The following RBM11 variants were observed in gnomAD, a reference collection of about 807,000 sequenced individuals.
RBM11 encodes the protein splicing regulator RBM11.
A neutral mutation model predicts 21.4 loss-of-function variants in RBM11; 18 were observed. The ratio of observed to expected loss-of-function variants is 0.84; its 90% CI spans 0.58 to 1.25. The LOEUF is 1.25. Among genes scored for constraint, RBM11 ranks in the 50% most tolerant of loss-of-function variants. The pLI is 0.00. For synonymous variants in RBM11, 120 were observed against 116.3 expected, an observed-to-expected ratio of 1.03 and a Z score of -0.20; for missense variants, 294 against 331.9, an observed-to-expected ratio of 0.89 and a Z score of 0.89.
At chr21:14,220,269 A>G (rs1978553436) in intron 2 of RBM11, among the ~76,000 whole-genome samples, 1 of 152,182 alleles carries the variant, frequency 6.6e-6, no homozygotes, top group Non-Finnish European at 1.5e-5. Context: ...AATGGCCTCA[A>G]CAACTTCTCC....
chr21:14,216,223 T>C lies in RBM11; in HGVS notation c.37T>C (p.Phe13Leu). 1 of 1,613,598 alleles carries C rather than the reference T, an allele frequency of 6.2e-7. No individual in the cohort carries two copies. The change falls in exon 1 of 5, where the codon TTT becomes CTT. Residue 13 changes from phenylalanine to leucine, a missense_variant. Phe to Leu is a conservative substitution (Grantham distance 22, BLOSUM62 0). This residue lies in a region of RBM11 where 181 missense variants were observed against 164.6 expected (regional missense o/e 1.10). Transcript: ENST00000400577. Reference sequence around the variant, plus strand: ...TCAGGAGGAGGCCGACAGGACCGTGTTTGTTGGGAATTTAGAGGCCCGAGT... The same window carrying C: ...TCAGGAGGAGGCCGACAGGACCGTGCTTGTTGGGAATTTAGAGGCCCGAGT... The part of the protein sequence containing the change: ...PAQEEADRTV[F>L]VGNLEARVRE...
In RBM11 at chr21:14,228,190, A is replaced by G. The variant is rs1256870293; in HGVS notation, c.*897A>G. ...ATTTGGGCATTTTTGTTTATAGCTC[A>G]TTACAAACTAGAGTGATGAATATAT... On this transcript the variant is annotated 3_prime_UTR_variant, in exon 5 of 5. Coordinates refer to ENST00000400577, the MANE Select transcript of RBM11 (RefSeq NM_144770.5). 2 of 152,188 alleles carry G rather than the reference A, an allele frequency of 1.3e-5. No individual in the cohort carries two copies. Among genetic ancestry groups the G allele is most frequent in the African/African-American group, 4.8e-5 (2 of 41,450 alleles). 9.4% of individuals were successfully genotyped at this position (152,188 alleles called of 1,614,324 possible). A position where few individuals can be genotyped will look rare whatever the true frequency, so the allele number is the denominator to read the frequency against.
At chr21:14,225,195 A>G (rs1238765838) in intron 4 of RBM11, among the ~76,000 whole-genome samples, 1 of 152,204 alleles carries the variant, frequency 6.6e-6, no homozygotes, top group Non-Finnish European at 1.5e-5. Context: ...CATCAATCCC[A>G]AATAGATTGC....
Position 14,218,211 on chromosome 21 carries a change from TTA to T in RBM11, c.97-1350_97-1349del, listed in dbSNP as rs199715061. On this transcript the variant is annotated intron_variant, in intron 1 of 4. Transcript: ENST00000400577. ...TTACAAATGCTTTGAATATCTAAAT[TTA>T]TGTCAAAATTCAAATCACGTAAGCA... Among the ~76,000 whole-genome samples the T allele has an allele frequency of 8.2e-3, 1,253 of 152,294 alleles. 10 individuals are homozygous for T. The highest frequency in any genetic ancestry group is 0.021 in the Middle Eastern group (6 of 292).
At chr21:14,223,633 G>T (rs1978854249) in intron 3 of RBM11, among the ~76,000 whole-genome samples, 1 of 152,166 alleles carries the variant, frequency 6.6e-6, no homozygotes. Context: ...TGTTCTTCCT[G>T]TGGGTAACCA....
rs1979130152 is a variant in RBM11 at position 14,226,822 on chromosome 21, AT to A, written c.433-50del. On this transcript the variant is annotated intron_variant, in intron 4 of 4. Coordinates refer to ENST00000400577, the MANE Select transcript of RBM11 (RefSeq NM_144770.5). Reference sequence around the variant, plus strand: ...ATTGTATAATACATGTAAACTGTTAATTTTTTTTCCTTAACCTTTTGGATTT... The same window carrying A: ...ATTGTATAATACATGTAAACTGTTAATTTTTTTCCTTAACCTTTTGGATTT... The A allele has an allele frequency of 5.8e-6, 9 of 1,544,906 alleles. No individual in the cohort carries two copies. The South Asian group carries it at 7.7e-5, about 13-fold the overall frequency.
chr21:14,216,393 G>A (rs1419671754), intron 1 of RBM11, 111 bp downstream of exon 1: 4 of 862,376 alleles, frequency 4.6e-6, no homozygotes, highest in African/African-American at 1.7e-5. Flanking sequence ...CCTGAGCAGG[G>A]GTTTTAATTT....
intron 3 of RBM11, among the ~76,000 whole-genome samples, chr21:14,222,256 G>GAGT (rs1303372279): frequency 6.6e-6 from 1 of 151,860 alleles, no homozygotes; most frequent in Non-Finnish European, 1.5e-5. Flanking sequence ...GAGAGGAATA[G>GAGT]ATATACTCTA....
At chr21:14,219,787 T>G in intron 2 of RBM11, 62 bp downstream of exon 2, 1 of 1,393,904 alleles carries the variant, frequency 7.2e-7, no homozygotes, top group South Asian at 1.8e-5. Flanking sequence ...CTCAGAGTTG[T>G]AAGCAATTTG....
chr21:14,226,221 CATATTAAAG>C (rs1196446973), intron 4 of RBM11, among the ~76,000 whole-genome samples: 1 of 152,044 alleles, frequency 6.6e-6, no homozygotes, highest in African/African-American at 2.4e-5. Flanking sequence ...ATATCATTTA[CATATTAAAG>C]TTATAACATT....
chr21:14,227,349 T>A lies in RBM11; in HGVS notation c.*56T>A. On this transcript the variant is annotated 3_prime_UTR_variant, in exon 5 of 5. Transcript: ENST00000400577. ...GATCTTAGTTCTCTTATGAAAAAAA[T>A]AAGATGTTATCCCATCAAATAAACA... is the stretch of plus-strand genomic sequence containing the variant. The A allele has an allele frequency of 2.7e-6, 4 of 1,481,758 alleles. No individual in the cohort carries two copies. The highest frequency in any genetic ancestry group is 1.4e-5 in the South Asian group (1 of 73,402). 91.8% of individuals were successfully genotyped at this position (1,481,758 alleles called of 1,614,324 possible).
chr21:14,219,682 A>T lies in RBM11; in HGVS notation c.216A>T (p.Gly72=). The change falls in exon 2 of 5, where the codon GGA becomes GGT. Residue 72 remains glycine (G), a synonymous_variant. Transcript: ENST00000400577. ...SVSYAIALLN[G]IRLYGRPINV... ...CTTATGCCATAGCTTTGCTGAATGGAATTCGTTTATATGGAAGACCAATTA... is the reference window on the plus strand; with the variant it reads ...CTTATGCCATAGCTTTGCTGAATGGTATTCGTTTATATGGAAGACCAATTA... The T allele has an allele frequency of 6.2e-7, 1 of 1,607,360 alleles. No individual in the cohort carries two copies. The highest frequency in any genetic ancestry group is 8.5e-7 in the Non-Finnish European group (1 of 1,175,458).
rs1432199738 is a variant in RBM11 at position 14,219,587 on chromosome 21, A to G, written c.121A>G (p.Ile41Val). ...GGCGGGGCCACTAACCAAAGTGACT[A>G]TATGCAAAGACAGAGAAGGAAAGCC... ...LQAGPLTKVT[I>V]CKDREGKPKS... The change falls in exon 2 of 5, where the codon ATA becomes GTA. Residue 41 changes from isoleucine to valine, a missense_variant. Transcript: ENST00000400577. The G allele has an allele frequency of 5.8e-6, 9 of 1,563,432 alleles. No individual in the cohort carries two copies. Among genetic ancestry groups the G allele is most frequent in the East Asian group, 2.3e-5 (1 of 43,936 alleles).
Position 14,227,154 on chromosome 21 carries a change from C to G in RBM11, c.707C>G (p.Pro236Arg). The G allele has an allele frequency of 6.2e-7, 1 of 1,613,970 alleles. No homozygotes were observed. Among genetic ancestry groups the G allele is most frequent in the Non-Finnish European group, 8.5e-7 (1 of 1,179,896 alleles). The change falls in exon 5 of 5, where the codon CCA (proline) becomes CGA (arginine). Residue 236 changes from proline to arginine, a missense_variant. By Grantham distance (103) the Pro-to-Arg change is moderately radical. Transcript: ENST00000400577. ...TCATATAAATGGACTCACCAACAAC[C>G]AAGTGACTCTGACCTTTATCAGATG... ...PSSYKWTHQQPSDSDLYQMNK... is the reference protein window; with the variant it reads ...PSSYKWTHQQRSDSDLYQMNK...
chr21:14,223,560 A>G (rs1978848278), intron 3 of RBM11, among the ~76,000 whole-genome samples: 1 of 152,084 alleles, frequency 6.6e-6, no homozygotes, highest in Non-Finnish European at 1.5e-5. Context: ...GTTTGATGTC[A>G]ATCTTTGGTA....
In RBM11 at chr21:14,221,173, ATT is replaced by A; in HGVS notation, c.332+7_332+8del. ...AGATAAATTCACACAACTACAGGTA[ATT>A]TTAAAAATATTTCTCATCAAAGGTA... On this transcript the variant is annotated splice_donor_5th_base_variant and intron_variant, in intron 3 of 4. Coordinates refer to ENST00000400577, the MANE Select transcript of RBM11 (RefSeq NM_144770.5). 6.5e-7 allele frequency: 1 copy of A among 1,547,220 alleles called. No individual in the cohort carries two copies.
At chr21:14,224,835 G>A (rs1268654472) in intron 4 of RBM11, among the ~76,000 whole-genome samples, 5 of 152,190 alleles carry the variant, frequency 3.3e-5, no homozygotes, top group African/African-American at 1.2e-4. Context: ...AAAGACGTTT[G>A]CAGTGGCCAG....
rs184059605 is a variant in RBM11, at chr21:14,228,331, G to T, written c.*1038G>T. 3.5e-4 allele frequency: 53 copies of T among 152,126 alleles called. No homozygotes were observed. Among genetic ancestry groups the T allele is most frequent in the African/African-American group, 1.2e-3 (50 of 41,526 alleles). The allele number at this position is 152,126 out of a possible 1,614,324, so 9.4% of individuals were successfully genotyped here. A position where few individuals can be genotyped will look rare whatever the true frequency, so the allele number is the denominator to read the frequency against. On this transcript the variant is annotated 3_prime_UTR_variant, in exon 5 of 5. Transcript: ENST00000400577. ...TTTGCATGTTGCCTAGCATTTTATA[G>T]ATATTTATTATTTAAAAAAATAAAG...
At position 14,216,157 on chromosome 21, in the gene RBM11, C is replaced by T. The variant is rs2020434491; in HGVS notation, c.-30C>T. 1 of 1,589,010 alleles carries T rather than the reference C, an allele frequency of 6.3e-7. No individual in the cohort carries two copies. Among genetic ancestry groups the T allele is most frequent in the South Asian group, 1.1e-5 (1 of 89,208 alleles). ...CCGGAGAAGGGGCGGGGTCTCAGCT[C>T]CTACTTCATTCTACGGCCGAGACCG... On this transcript the variant is annotated 5_prime_UTR_variant, in exon 1 of 5. Coordinates refer to ENST00000400577, the MANE Select transcript of RBM11 (RefSeq NM_144770.5).
Sources: gnomAD v4.1 joint callset for allele counts (sites outside exome capture counted in the v4.1 genomes callset) on GRCh38, gnomAD v4.1.1 for gene constraint, gnomAD v4.1.1 regional missense constraint, MANE v1.5 for transcripts, NCBI Gene and HGNC (gene_info 2026-07-23, HGNC 2026-07-21) for gene names.